Variants in CDH17 observed in about 807,000 individuals in gnomAD.
The protein encoded by CDH17 is cadherin 17, also known as cadherin-17.
Under a neutral mutation model 86.3 loss-of-function variants are expected in CDH17, and 67 were observed. The ratio of observed to expected loss-of-function variants is 0.78; its 90% CI spans 0.64 to 0.95. CDH17 has a LOEUF of 0.95. CDH17 is among the 40% of genes least tolerant of loss of function. The pLI is 0.00. For synonymous variants in CDH17, 367 were observed against 366.4 expected, an observed-to-expected ratio of 1.00 and a Z score of -0.02; for missense variants, 993 against 1,017.6, an observed-to-expected ratio of 0.98 and a Z score of 0.33.
intron 12 of CDH17, among the ~76,000 whole-genome samples, chr8:94,159,078 G>A (rs960646806): frequency 1.3e-5 from 2 of 152,146 alleles, no homozygotes; most frequent in East Asian, 1.9e-4. Flanking sequence ...TTAACTGTAA[G>A]TACATTGGAC....
At chr8:94,198,155 A>ATTTG in intron 1 of CDH17, among the ~76,000 whole-genome samples, 1 of 152,168 alleles carries the variant, frequency 6.6e-6, no homozygotes, top group Non-Finnish European at 1.5e-5. Flanking sequence ...ATGTATGTAT[A>ATTTG]TATATTTATA....
chr8:94,137,866 G>T (rs986978135), intron 15 of CDH17, among the ~76,000 whole-genome samples: 1 of 152,164 alleles, frequency 6.6e-6, no homozygotes, highest in African/African-American at 2.4e-5. Context: ...AACACAATCT[G>T]CAAATAATGG....
At chr8:94,192,161 T>A (rs940300428) in intron 2 of CDH17, among the ~76,000 whole-genome samples, 2 of 152,188 alleles carry the variant, frequency 1.3e-5, no homozygotes, top group African/African-American at 4.8e-5. Context: ...CGTGCTTGTA[T>A]TGGGGCAACA....
At chr8:94,201,741 A>G (rs1007119734) in intron 1 of CDH17, among the ~76,000 whole-genome samples, 2 of 152,210 alleles carry the variant, frequency 1.3e-5, no homozygotes, top group Non-Finnish European at 2.9e-5. Context: ...CCCAGGACAG[A>G]GGTGGCCTCA....
intron 15 of CDH17, among the ~76,000 whole-genome samples, chr8:94,137,312 C>T (rs957571966): frequency 1.3e-5 from 2 of 152,316 alleles, no homozygotes; most frequent in African/African-American, 4.8e-5. Context: ...ATTTGAGCTT[C>T]CCAGCCGCTT....
chr8:94,170,783 A>G lies in CDH17; in HGVS notation c.915+71T>C. On this transcript the variant is annotated intron_variant, in intron 8 of 17. Transcript: ENST00000027335. Reference sequence around the variant, plus strand: ...TTTTTTTTTCTTTAAAGTAAAATCCATTTTGCTCTCAACTGTAGATGGGCA... The same window carrying G: ...TTTTTTTTTCTTTAAAGTAAAATCCGTTTTGCTCTCAACTGTAGATGGGCA... 4 of 1,525,580 alleles carry G rather than the reference A, an allele frequency of 2.6e-6. No individual in the cohort carries two copies. The African/African-American group carries it at 4.2e-5, about 16-fold the overall frequency. The allele number at this position is 1,525,580 out of a possible 1,614,324, so 94.5% of individuals were successfully genotyped here.
chr8:94,211,471 C>T (rs2129674169), upstream of CDH17, among the ~76,000 whole-genome samples: 1 of 152,204 alleles, frequency 6.6e-6, no homozygotes, highest in East Asian at 1.9e-4. Context: ...ACCACCACAC[C>T]CGGCTAATTT....
intron 12 of CDH17, among the ~76,000 whole-genome samples, chr8:94,157,494 A>G (rs1486779586): frequency 1.3e-5 from 2 of 152,186 alleles, no homozygotes; most frequent in Non-Finnish European, 2.9e-5. Context: ...CTAATCCGAG[A>G]TCTATATCCC....
chr8:94,198,938 C>A (rs1813837873), intron 1 of CDH17, among the ~76,000 whole-genome samples: 1 of 151,516 alleles, frequency 6.6e-6, no homozygotes, highest in African/African-American at 2.4e-5. Context: ...ATAAGGGGTA[C>A]AGGTTCTATC....
Position 94,146,176 on chromosome 8 carries a change from T to C in CDH17, c.1928-9A>G. The stretch of plus-strand genomic sequence containing the variant: ...GCTCAAGGAAGACCCCCCTAAGGAA[T>C]TGAATGATTGAAACATGGGATCAGT... On this transcript the variant is annotated splice_polypyrimidine_tract_variant and intron_variant, in intron 14 of 17. Transcript: ENST00000027335. 1.3e-6 allele frequency: 2 copies of C among 1,483,760 alleles called. No individual in the cohort carries two copies. Among genetic ancestry groups the C allele is most frequent in the African/African-American group, 1.4e-5 (1 of 69,804 alleles). 91.9% of individuals were successfully genotyped at this position (1,483,760 alleles called of 1,614,324 possible).
intron 3 of CDH17, among the ~76,000 whole-genome samples, chr8:94,184,787 G>A (rs1563583672): frequency 6.6e-6 from 1 of 152,156 alleles, no homozygotes; most frequent in Non-Finnish European, 1.5e-5. Flanking sequence ...TGATGATATG[G>A]AAGCCCCTGG....
At position 94,199,061 on chromosome 8, in the gene CDH17, ATATATATATATATATATATATATT is replaced by A. The variant is rs1344555497; in HGVS notation, c.-20-4380_-20-4357del. On this transcript the variant is annotated intron_variant, in intron 1 of 17. Coordinates refer to ENST00000027335, the MANE Select transcript of CDH17 (RefSeq NM_004063.4). ...TTGATATATATATATATATATATAT[ATATATATATATATATATATATATT>A]TTTTTTTTTTTATCATTTGTCTGTT... Among the ~76,000 whole-genome samples, 316 of 49,834 alleles carry A rather than the reference ATATATATATATATATATATATATT, an allele frequency of 6.3e-3. 5 individuals carry two copies. The highest frequency in any genetic ancestry group is 0.014 in the African/African-American group (120 of 8,706). The allele number at this position is 49,834 out of a possible 152,430, so 32.7% of individuals were successfully genotyped here.
upstream of CDH17, among the ~76,000 whole-genome samples, chr8:94,209,114 C>A (rs754058727): frequency 2.6e-5 from 4 of 152,162 alleles, no homozygotes; most frequent in African/African-American, 7.2e-5. Context: ...AAGAAACAAC[C>A]GATAGCAAAT....
chr8:94,165,412 C>A (rs544891295), intron 10 of CDH17, among the ~76,000 whole-genome samples: 2 of 152,178 alleles, frequency 1.3e-5, no homozygotes, highest in African/African-American at 4.8e-5. Context: ...CTTCACCCAG[C>A]GTCAGGCATC....
intron 15 of CDH17, among the ~76,000 whole-genome samples, chr8:94,143,677 G>T (rs368158442): frequency 6.6e-6 from 1 of 152,176 alleles, no homozygotes; most frequent in Non-Finnish European, 1.5e-5. Flanking sequence ...TCAATTTGCT[G>T]CATCACTTTG....
At chr8:94,199,380 T>C (rs1184168348) in intron 1 of CDH17, among the ~76,000 whole-genome samples, 1 of 152,096 alleles carries the variant, frequency 6.6e-6, no homozygotes, top group Admixed American at 6.6e-5. Flanking sequence ...AAAGAGTTGT[T>C]TCTCCTTTGA....
At position 94,130,703 on chromosome 8, in the gene CDH17, C is replaced by T. The variant is rs774813679; in HGVS notation, c.2321G>A (p.Arg774Gln). The T allele has an allele frequency of 1.6e-5, 26 of 1,613,790 alleles. No individual in the cohort carries two copies. Among genetic ancestry groups the T allele is most frequent in the South Asian group, 5.5e-5 (5 of 91,048 alleles). Reference sequence around the variant, plus strand: ...TATCCCAGTCTGGTGACCTGCTGGCCGGAAACAACTTCCTTCCACACAACT... The same window carrying T: ...TATCCCAGTCTGGTGACCTGCTGGCTGGAAACAACTTCCTTCCACACAACT... The part of the protein sequence containing the change: ...FCSCVEGSCF[R>Q]PAGHQTGIPT... The change falls in exon 17 of 18, where the codon CGG (arginine) becomes CAG (glutamine). Residue 774 changes from arginine (R) to glutamine (Q), a missense_variant. Coordinates refer to ENST00000027335, the MANE Select transcript of CDH17 (RefSeq NM_004063.4).
chr8:94,162,231 A>C, intron 10 of CDH17, 69 bp from the exon 11 acceptor site: 1 of 1,029,832 alleles, frequency 9.7e-7, no homozygotes, highest in Non-Finnish European at 1.5e-6. Context: ...GAAATCTGCA[A>C]GAAAATACTT....
At chr8:94,185,926 C>T (rs765742950) in intron 3 of CDH17, among the ~76,000 whole-genome samples, 4 of 152,060 alleles carry the variant, frequency 2.6e-5, no homozygotes, top group East Asian at 3.9e-4. Flanking sequence ...TATGAGAAAG[C>T]GTTTGATTTC....
Sources: allele counts gnomAD v4.1 joint callset (sites outside exome capture counted in the v4.1 genomes callset), GRCh38; gene constraint gnomAD v4.1.1; transcripts MANE v1.5; gene names NCBI Gene and HGNC (gene_info 2026-07-23, HGNC 2026-07-21).